VTI1A: variants seen among roughly 807,000 people sequenced by gnomAD.
VTI1A encodes the protein vesicle transport through interaction with t-SNAREs homolog 1A.
In VTI1A, 22 loss-of-function variants were observed where a neutral mutation model predicts 34.9. That is an observed-to-expected ratio of 0.63 (90% CI 0.45 to 0.90). The LOEUF (loss-of-function observed/expected upper bound fraction) is 0.90. Ranked by LOEUF, VTI1A falls within the 40% of genes least tolerant of loss-of-function variation. VTI1A has a pLI of 0.00. For missense variants in VTI1A, 268 were observed against 275.6 expected (o/e 0.97, Z 0.20); for synonymous variants, 87 against 97.3 (o/e 0.89, Z 0.62).
Position 112,816,976 on chromosome 10 carries a change from A to T in VTI1A, c.*1593A>T. On this transcript the variant is annotated 3_prime_UTR_variant, in exon 8 of 8. Transcript: ENST00000393077. ...AAGCTGCAGCCTTTACTTCGGAGGGATGGTGTGGGATTTTGGCCGAGGGAA... is the reference window on the plus strand; with the variant it reads ...AAGCTGCAGCCTTTACTTCGGAGGGTTGGTGTGGGATTTTGGCCGAGGGAA... 4.3e-6 allele frequency: 1 copy of T among 231,808 alleles called. No individual in the cohort carries two copies. The highest frequency in any genetic ancestry group is 1.8e-4 in the South Asian group (1 of 5,500). 14.4% of individuals were successfully genotyped at this position (231,808 alleles called of 1,614,324 possible). A position where few individuals can be genotyped will look rare whatever the true frequency, so the allele number is the denominator to read the frequency against.
chr10:112,569,359 C>A, intron 5 of VTI1A, among the ~76,000 whole-genome samples: 1 of 152,030 alleles, frequency 6.6e-6, no homozygotes, highest in East Asian at 1.9e-4. Context: ...TACTGAGGTC[C>A]AGAGAGGTTA....
At chr10:112,629,341 AAG>A (rs1348574598) in intron 5 of VTI1A, among the ~76,000 whole-genome samples, 1 of 152,242 alleles carries the variant, frequency 6.6e-6, no homozygotes, top group African/African-American at 2.4e-5. Context: ...TTCACAGAAA[AAG>A]AGATTTTCCT....
chr10:112,569,774 G>A (rs1377026635), intron 5 of VTI1A, among the ~76,000 whole-genome samples: 3 of 152,244 alleles, frequency 2.0e-5, no homozygotes, highest in East Asian at 1.9e-4. Context: ...AATGATAATC[G>A]ACCAGATCAG....
intron 7 of VTI1A, among the ~76,000 whole-genome samples, chr10:112,790,828 G>T (rs956941746): frequency 6.7e-6 from 1 of 149,158 alleles, no homozygotes; most frequent in Non-Finnish European, 1.5e-5. Flanking sequence ...CGACCTCTTC[G>T]CTCATAGCTG....
At chr10:112,756,384 C>T (rs999812783) in intron 7 of VTI1A, among the ~76,000 whole-genome samples, 4 of 152,140 alleles carry the variant, frequency 2.6e-5, no homozygotes, top group African/African-American at 9.7e-5. Context: ...TTCAGTTCCA[C>T]GCAGCATTTA....
At chr10:112,852,592 T>G in the VTI1A span, among the ~76,000 whole-genome samples, 2 of 152,204 alleles carry the variant, frequency 1.3e-5, no homozygotes, top group African/African-American at 4.8e-5. Flanking sequence ...CCTTCTGGGC[T>G]TTGGGTCACT....
At chr10:112,470,653 G>A (rs1040561075) in intron 3 of VTI1A, among the ~76,000 whole-genome samples, 2 of 152,116 alleles carry the variant, frequency 1.3e-5, no homozygotes, top group African/African-American at 4.8e-5. Context: ...GAGGCAGGCG[G>A]ATCACTTGAA....
At chr10:112,585,376 T>C (rs1051475905) in intron 5 of VTI1A, among the ~76,000 whole-genome samples, 1 of 152,246 alleles carries the variant, frequency 6.6e-6, no homozygotes, top group African/African-American at 2.4e-5. Context: ...TCAGAACAGC[T>C]ATTACAGCTT....
At chr10:112,655,732 T>A (rs1453232682) in intron 5 of VTI1A, among the ~76,000 whole-genome samples, 1 of 152,164 alleles carries the variant, frequency 6.6e-6, no homozygotes, top group Non-Finnish European at 1.5e-5. Flanking sequence ...TAAAGATCTG[T>A]CCCAGGGCCA....
intron 5 of VTI1A, among the ~76,000 whole-genome samples, chr10:112,642,253 A>G (rs1443734672): frequency 2.6e-5 from 4 of 152,120 alleles, no homozygotes; most frequent in Admixed American, 6.5e-5. Flanking sequence ...TTCTGTGATT[A>G]TTAATAATAA....
intron 7 of VTI1A, among the ~76,000 whole-genome samples, chr10:112,788,401 T>G (rs1271860715): frequency 6.6e-6 from 1 of 152,204 alleles, no homozygotes; most frequent in African/African-American, 2.4e-5. Context: ...GAAACATCCT[T>G]TTTTGTTCCT....
At chr10:112,676,825 A>G (rs1210246600) in intron 7 of VTI1A, among the ~76,000 whole-genome samples, 2 of 152,184 alleles carry the variant, frequency 1.3e-5, no homozygotes, top group East Asian at 3.8e-4. Context: ...CAAGGGTAGA[A>G]GCGACTTGAA....
In VTI1A at chr10:112,495,971, GTATC is replaced by G. The variant is rs1182441744; in HGVS notation, c.265-31112_265-31109del. The stretch of plus-strand genomic sequence containing the variant: ...CTGAGTGAAATGAAGACATAAAAAA[GTATC>G]TATTAGATTGTCAGCATGATGGTCA... On this transcript the variant is annotated intron_variant, in intron 3 of 7. Transcript: ENST00000393077. 2.6e-5 allele frequency among the ~76,000 whole-genome samples: 4 copies of G among 152,168 alleles called. No homozygotes were observed. In the East Asian group the frequency reaches 7.7e-4, roughly 29 times the overall value.
At chr10:112,814,565 G>C (rs1853441314) in intron 7 of VTI1A, among the ~76,000 whole-genome samples, 1 of 152,138 alleles carries the variant, frequency 6.6e-6, no homozygotes, top group Admixed American at 6.6e-5. Flanking sequence ...TAAGTTGCTG[G>C]TTCCCCATCA....
In VTI1A at chr10:112,545,472, A is replaced by G. The variant is rs11818526; in HGVS notation, c.427+7142A>G. Among the ~76,000 whole-genome samples the G allele has an allele frequency of 6.9e-3, 1,049 of 152,352 alleles. 16 individuals are homozygous for G. The highest frequency in any genetic ancestry group is 0.023 in the African/African-American group (977 of 41,584). ...AATAAATATATTTGTTAATTATCTC[A>G]CAAAACTATGGTATTTCTTTTTTCT... is the stretch of plus-strand genomic sequence containing the variant. On this transcript the variant is annotated intron_variant, in intron 5 of 7. Coordinates refer to ENST00000393077, the MANE Select transcript of VTI1A (RefSeq NM_145206.4).
At chr10:112,843,242 T>G in the VTI1A span, among the ~76,000 whole-genome samples, 2 of 152,250 alleles carry the variant, frequency 1.3e-5, no homozygotes, top group African/African-American at 4.8e-5. Flanking sequence ...AGTTCCAGGC[T>G]TCTCCCCTGA....
intron 5 of VTI1A, among the ~76,000 whole-genome samples, chr10:112,544,305 A>C (rs1850989622): frequency 6.6e-6 from 1 of 152,182 alleles, no homozygotes; most frequent in African/African-American, 2.4e-5. Flanking sequence ...ATCTTGGCTC[A>C]CTGCAATGTC....
At chr10:112,592,751 C>G (rs1844440802) in intron 5 of VTI1A, among the ~76,000 whole-genome samples, 1 of 152,184 alleles carries the variant, frequency 6.6e-6, no homozygotes, top group Non-Finnish European at 1.5e-5. Context: ...TTTACACAAT[C>G]AGCAAATTAT....
At chr10:112,718,601 T>C (rs1001871949) in intron 7 of VTI1A, among the ~76,000 whole-genome samples, 5 of 152,310 alleles carry the variant, frequency 3.3e-5, no homozygotes, top group East Asian at 1.9e-4. Flanking sequence ...GAAGATTTTT[T>C]CCCCCTTGGA....
Sources: allele counts gnomAD v4.1 joint callset (sites outside exome capture counted in the v4.1 genomes callset), GRCh38; gene constraint gnomAD v4.1.1; transcripts MANE v1.5; gene names NCBI Gene and HGNC (gene_info 2026-07-23, HGNC 2026-07-21).